DACT2: variants seen among roughly 807,000 people sequenced by gnomAD.
DACT2 encodes the protein dishevelled binding antagonist of beta catenin 2.
DACT2 carries 20 observed loss-of-function variants against 22.2 expected under a neutral mutation model. The observed-to-expected ratio is 0.90, with a 90% CI of 0.63 to 1.31. The LOEUF is 1.31. Ranked by LOEUF, DACT2 falls within the 50% of genes most tolerant of loss-of-function variation. The pLI is 0.00. For synonymous variants in DACT2, 463 were observed against 479.8 expected (o/e 0.96, Z 0.46); for missense variants, 1,048 against 1,061.4 (o/e 0.99, Z 0.18).
intron 2 of DACT2, 143 bp from the exon 3 acceptor site, chr6:168,310,589 A>C: frequency 3.5e-6 from 4 of 1,157,446 alleles, no homozygotes; most frequent in Non-Finnish European, 4.8e-6. Context: ...CATCGTCCAC[A>C]CGGCCGGCCT....
rs967262195 is a variant in DACT2, at chr6:168,319,279, C to T, written c.246+109G>A. ...TCCATTCAAATCCCAAAGGACGTCC[C>T]CTCCATCCATCAGACACCCCCGTCC... is the stretch of plus-strand genomic sequence containing the variant. On this transcript the variant is annotated intron_variant, in intron 1 of 3. Coordinates refer to ENST00000366795, the MANE Select transcript of DACT2 (RefSeq NM_214462.5). The T allele has an allele frequency of 3.9e-5, 39 of 1,003,264 alleles. 1 individual carries two copies. The South Asian group carries it at 1.8e-3, about 46-fold the overall frequency. 62.1% of individuals were successfully genotyped at this position (1,003,264 alleles called of 1,614,324 possible). A position where few individuals can be genotyped will look rare whatever the true frequency, so the allele number is the denominator to read the frequency against.
In DACT2 at chr6:168,308,757, T is replaced by C. The variant is rs918776019; in HGVS notation, c.1000A>G (p.Ile334Val). 3.9e-6 allele frequency: 6 copies of C among 1,551,372 alleles called. No individual in the cohort carries two copies. The highest frequency in any genetic ancestry group is 5.2e-6 in the Non-Finnish European group (6 of 1,146,996). The change falls in exon 4 of 4, where the codon ATC becomes GTC. Residue 334 changes from isoleucine to valine, a missense_variant. Transcript: ENST00000366795. ...CCCCACAGATGCAGCAACCTGTCGA[T>C]ATAAGCTCTGGCCCTGGCCGGGCCA... is the stretch of plus-strand genomic sequence containing the variant. ...EAGPARARAY[I>V]DRLLHLWGRE... is the part of the protein sequence containing the mutation.
downstream of DACT2, among the ~76,000 whole-genome samples, chr6:168,306,664 A>G (rs1328981342): frequency 6.7e-6 from 1 of 149,166 alleles, no homozygotes; most frequent in African/African-American, 2.5e-5. Flanking sequence ...GTTGGCCAGG[A>G]TGGTCTTGAT....
At position 168,307,648 on chromosome 6, in the gene DACT2, G is replaced by A. The variant is rs748726350; in HGVS notation, c.2109C>T (p.Asp703=). 3.0e-5 allele frequency: 47 copies of A among 1,547,422 alleles called. 1 individual carries two copies. Among genetic ancestry groups the A allele is most frequent in the East Asian group, 9.8e-5 (4 of 40,786 alleles). Residue 703 remains aspartate (D), a synonymous_variant, in exon 4 of 4, where the codon GAC becomes GAT. Coordinates refer to ENST00000366795, the MANE Select transcript of DACT2 (RefSeq NM_214462.5). The surrounding 1 kb of genome is among the most constrained non-coding windows in gnomAD (Gnocchi z 5.3). ...RFGDRESSSS[D]EEGGAQSRDC... is the part of the protein sequence containing the mutation. ...CCCTGCTCTGGGCGCCGCCCTCCTC[G>A]TCGCTGCTGCTGGACTCACGGTCTC...
chr6:168,307,333 C>A lies in DACT2; in HGVS notation c.*99G>T, dbSNP rs1336547635. The A allele has an allele frequency of 8.0e-6, 12 of 1,493,480 alleles. No homozygotes were observed. Among genetic ancestry groups the A allele is most frequent in the Non-Finnish European group, 1.1e-5 (12 of 1,122,056 alleles). The allele number at this position is 1,493,480 out of a possible 1,614,324, so 92.5% of individuals were successfully genotyped here. A position where few individuals can be genotyped will look rare whatever the true frequency, so the allele number is the denominator to read the frequency against. On this transcript the variant is annotated 3_prime_UTR_variant, in exon 4 of 4. Transcript: ENST00000366795. The surrounding 1 kb of genome is among the most constrained non-coding windows in gnomAD (Gnocchi z 5.3). The stretch of plus-strand genomic sequence containing the variant: ...TAAACGGTGGCCTCGGAAGATAAAG[C>A]GACTTGGCAAGACGACACTGAAACC...
At chr6:168,299,448 A>G (rs1779064502) in intron 3 of DACT2, 1 of 152,228 alleles carries the variant, frequency 6.6e-6, no homozygotes, top group African/African-American at 2.4e-5. Flanking sequence ...TGTTTCTAAC[A>G]GTTTGAAATT....
chr6:168,300,785 G>A (rs1330243184), intron 3 of DACT2, among the ~76,000 whole-genome samples: 2 of 152,086 alleles, frequency 1.3e-5, no homozygotes, highest in Non-Finnish European at 2.9e-5. Flanking sequence ...AGGAGATTGG[G>A]ACCATCCTGG....
At chr6:168,294,748 C>A in intron 3 of DACT2, 1 of 1,008,306 alleles carries the variant, frequency 9.9e-7, no homozygotes, top group Admixed American at 3.5e-5. Context: ...CTACAGAACA[C>A]ACCTGCAGCT....
At chr6:168,304,060 G>A (rs62424992), downstream of DACT2, among the ~76,000 whole-genome samples, 26,251 of 152,046 alleles carry the variant, frequency 0.17, 3,095 homozygotes, top group African/African-American at 0.34. Context: ...TAAAGACCCC[G>A]GAAGTCAAAT....
intron 3 of DACT2, chr6:168,300,608 C>T (rs1367923727): frequency 1.3e-5 from 2 of 152,026 alleles, no homozygotes; most frequent in Admixed American, 6.6e-5. Context: ...AAAAGAAAAA[C>T]AGAAATAAAG....
chr6:168,296,678 C>A (rs1383811889), intron 3 of DACT2, among the ~76,000 whole-genome samples: 1 of 152,232 alleles, frequency 6.6e-6, no homozygotes, highest in Non-Finnish European at 1.5e-5. Context: ...CACCTCCAGG[C>A]AAAAGGCAAA....
chr6:168,319,063 C>T (rs752838008), intron 1 of DACT2, among the ~76,000 whole-genome samples: 3 of 152,140 alleles, frequency 2.0e-5, no homozygotes, highest in Admixed American at 6.5e-5. Flanking sequence ...GTGCTGTAAC[C>T]CTGTAACGAA....
At chr6:168,310,025 C>A (rs923560679) in intron 3 of DACT2, 143 bp downstream of exon 3, 1 of 1,306,156 alleles carries the variant, frequency 7.7e-7, no homozygotes, top group Admixed American at 3.2e-5. Context: ...ACCACGTGGC[C>A]CACGGAGGCC....
chr6:168,310,384 T>C lies in DACT2; in HGVS notation c.442A>G (p.Ser148Gly), dbSNP rs1779367207. The C allele has an allele frequency of 6.4e-7, 1 of 1,551,474 alleles. No individual in the cohort carries two copies. ...CCCAGCGAGGGAGAGATGTGGTCAC[T>C]GCAGACGGAGGCACAGGACGTGGAC... ...SLSTSCASVC[S>G]DHISPSLGSL... The change falls in exon 3 of 4, where the codon AGT becomes GGT. Residue 148 changes from serine (S) to glycine (G), a missense_variant. Ser to Gly is a moderately conservative substitution (Grantham distance 56). Transcript: ENST00000366795.
intron 1 of DACT2, among the ~76,000 whole-genome samples, chr6:168,311,550 A>ACACAC (rs1562498391): frequency 2.0e-4 from 18 of 90,008 alleles, no homozygotes; most frequent in African/African-American, 6.7e-4. Context: ...CCACACACAC[A>ACACAC]TACACACACT....
Position 168,308,921 on chromosome 6 carries a change from AG to A in DACT2, c.835del (p.Leu279CysfsTer13). ...GGGGCTCTGTAGAGCCACGGCGTGC[AG>A]GGGGCTGGGGTACGGGTACACCTCC... The part of the protein sequence containing the change: ...GREVYPYPSP[L>X]HAVALQSPLF... On this transcript the variant is annotated frameshift_variant, in exon 4 of 4. Transcript: ENST00000366795. LOFTEE classifies it low-confidence loss of function (END_TRUNC). The A allele has an allele frequency of 6.4e-7, 1 of 1,550,544 alleles. No homozygotes were observed.
At chr6:168,311,877 G>A (rs540805576) in intron 1 of DACT2, among the ~76,000 whole-genome samples, 18 of 152,324 alleles carry the variant, frequency 1.2e-4, no homozygotes, top group African/African-American at 3.8e-4. Context: ...TTCAGCCTGC[G>A]TAAGGGTTTA....
Position 168,319,386 on chromosome 6 carries a change from A to G in DACT2, c.246+2T>C. On this transcript the variant is annotated splice_donor_variant, in intron 1 of 3. Coordinates refer to ENST00000366795, the MANE Select transcript of DACT2 (RefSeq NM_214462.5). LOFTEE classifies it high-confidence loss of function. Reference sequence around the variant, plus strand: ...CCCCGAGTCCCGGCGCCCGGTCCTTACCAGCTGCTCCTGCAGCGCGGCCAG... The same window carrying G: ...CCCCGAGTCCCGGCGCCCGGTCCTTGCCAGCTGCTCCTGCAGCGCGGCCAG... 8.3e-7 allele frequency: 1 copy of G among 1,199,756 alleles called. No individual in the cohort carries two copies. The highest frequency in any genetic ancestry group is 1.0e-6 in the Non-Finnish European group (1 of 967,552). 74.3% of individuals were successfully genotyped at this position (1,199,756 alleles called of 1,614,324 possible).
In DACT2 at chr6:168,308,642, C is replaced by G; in HGVS notation, c.1115G>C (p.Ser372Thr). The G allele has an allele frequency of 5.2e-6, 8 of 1,544,352 alleles. No individual in the cohort carries two copies. The highest frequency in any genetic ancestry group is 7.0e-6 in the Non-Finnish European group (8 of 1,146,948). ...CAGCAGTCGCCCTCCACCGTCTGTA[C>G]TCCAGCCACCCTGCCTCTGTGGAGA... The part of the protein sequence containing the change: ...SPSPQRQGGW[S>T]TDGGGRLLVF... Residue 372 changes from serine to threonine, a missense_variant, in exon 4 of 4, where the codon AGT (serine) becomes ACT (threonine). By Grantham distance (58) the Ser-to-Thr change is moderately conservative. Coordinates refer to ENST00000366795, the MANE Select transcript of DACT2 (RefSeq NM_214462.5).
Sources: gnomAD v4.1 joint callset for allele counts (sites outside exome capture counted in the v4.1 genomes callset) on GRCh38, gnomAD v4.1.1 for gene constraint, Gnocchi (gnomAD v3.1) non-coding constraint, MANE v1.5 for transcripts, NCBI Gene and HGNC (gene_info 2026-07-23, HGNC 2026-07-21) for gene names.